VWA8: variants seen among roughly 807,000 people sequenced by gnomAD.
VWA8 encodes the protein von Willebrand factor A domain-containing protein 8.
VWA8 carries 221 observed loss-of-function variants against 241.5 expected under a neutral mutation model. The ratio of observed to expected loss-of-function variants is 0.91; its 90% CI spans 0.82 to 1.02. VWA8 has a LOEUF of 1.02. Ranked by LOEUF, VWA8 falls within the 50% of genes least tolerant of loss-of-function variation. VWA8 has a pLI of 0.00. For synonymous variants in VWA8, 852 were observed against 827.1 expected, an observed-to-expected ratio of 1.03 and a Z score of -0.52; for missense variants, 2,322 against 2,328.7, an observed-to-expected ratio of 1.00 and a Z score of 0.06.
rs1868946981 is a variant in VWA8 at position 41,782,770 on chromosome 13, A to C, written c.2277+1025T>G. 2.0e-5 allele frequency among the ~76,000 whole-genome samples: 3 copies of C among 151,994 alleles called. No individual in the cohort carries two copies. In the South Asian group the frequency reaches 6.2e-4, roughly 31 times the overall value. On this transcript the variant is annotated intron_variant, in intron 19 of 44. Transcript: ENST00000379310. Reference sequence around the variant, plus strand: ...AAATTTTAAGTAGTTGTTTTACTATAAAAGTAATACACAGCCACTTGACAG... The same window carrying C: ...AAATTTTAAGTAGTTGTTTTACTATCAAAGTAATACACAGCCACTTGACAG...
At chr13:41,778,957 T>G (rs1868760304) in intron 19 of VWA8, among the ~76,000 whole-genome samples, 2 of 144,628 alleles carry the variant, frequency 1.4e-5, no homozygotes, top group African/African-American at 2.5e-5. Context: ...TTCTCTTGCC[T>G]CAGCCTCCCG....
chr13:41,938,138 G>A (rs1350159006), intron 2 of VWA8, among the ~76,000 whole-genome samples: 1 of 150,590 alleles, frequency 6.6e-6, no homozygotes, highest in Non-Finnish European at 1.5e-5. Context: ...CAGCCTGGGT[G>A]ACAGGGTGAG....
chr13:41,773,477 T>A (rs562646784), intron 20 of VWA8, among the ~76,000 whole-genome samples: 1 of 152,248 alleles, frequency 6.6e-6, no homozygotes, highest in African/African-American at 2.4e-5. Flanking sequence ...TGATCAGCAC[T>A]CAGAACAGCA....
chr13:41,593,792 G>C (rs946252665), intron 40 of VWA8, among the ~76,000 whole-genome samples: 1 of 152,150 alleles, frequency 6.6e-6, no homozygotes, highest in Non-Finnish European at 1.5e-5. Context: ...TCTAGACTGG[G>C]AAAACCAGCA....
At chr13:41,841,807 AAAAAAAAAAAAAAAT>A (rs1872034122) in intron 12 of VWA8, among the ~76,000 whole-genome samples, 1 of 32,182 alleles carries the variant, frequency 3.1e-5, no homozygotes, top group South Asian at 2.0e-3. Flanking sequence ...AAAAAAAAAA[AAAAAAAAAAAAAAAT>A]ATATATATAT....
chr13:41,861,729 G>A (rs1015006682), intron 12 of VWA8, among the ~76,000 whole-genome samples: 1 of 152,078 alleles, frequency 6.6e-6, no homozygotes, highest in Non-Finnish European at 1.5e-5. Context: ...ACCTAGGAAT[G>A]CAGCTACCCA....
In VWA8 at chr13:41,568,226, A is replaced by C. The variant is rs201705320; in HGVS notation, c.5689T>G (p.Phe1897Val). 1.2e-6 allele frequency: 2 copies of C among 1,614,146 alleles called. No homozygotes were observed. Among genetic ancestry groups the C allele is most frequent in the Admixed American group, 3.3e-5 (2 of 60,028 alleles). The change falls in exon 45 of 45, where the codon TTC becomes GTC. Residue 1897 changes from phenylalanine (F) to valine (V), a missense_variant. Phe to Val is a conservative substitution (Grantham distance 50, BLOSUM62 -1). Coordinates refer to ENST00000379310, the MANE Select transcript of VWA8 (RefSeq NM_015058.2). ...ACACTCGACAACATGGTGGAGGTGAAGATCTGTTGTAAAATCTGAGGGATA... is the reference window on the plus strand; with the variant it reads ...ACACTCGACAACATGGTGGAGGTGACGATCTGTTGTAAAATCTGAGGGATA... ...KDIPQILQQI[F>V]TSTMLSSV
chr13:41,776,096 T>C (rs1421104665), intron 20 of VWA8, among the ~76,000 whole-genome samples: 3 of 152,186 alleles, frequency 2.0e-5, no homozygotes, highest in Non-Finnish European at 4.4e-5. Context: ...TCTAGGGATC[T>C]TCCTTTTAAA....
rs190136021 is a variant in VWA8, at chr13:41,868,374, C to T, written c.1184G>A (p.Arg395Gln). Reference sequence around the variant, plus strand: ...AATGGTCACCTCTTTATCTGCAATCCGGATGGTCACAGAAGCTTGGGACAC... The same window carrying T: ...AATGGTCACCTCTTTATCTGCAATCTGGATGGTCACAGAAGCTTGGGACAC... ...NHVSQASVTIRIADKEVTIKV... is the reference protein window; with the variant it reads ...NHVSQASVTIQIADKEVTIKV... Residue 395 changes from arginine (R) to glutamine (Q), a missense_variant, in exon 10 of 45, where the codon CGG becomes CAG. Coordinates refer to ENST00000379310, the MANE Select transcript of VWA8 (RefSeq NM_015058.2). 2.2e-4 allele frequency: 355 copies of T among 1,613,998 alleles called. 2 individuals carry two copies. In the East Asian group the frequency reaches 6.6e-3, roughly 30 times the overall value.
chr13:41,868,590 A>C (rs1420481911), intron 9 of VWA8, 113 bp from the exon 10 acceptor site: 4 of 1,315,212 alleles, frequency 3.0e-6, no homozygotes, highest in Non-Finnish European at 4.0e-6. Context: ...TTATTATATA[A>C]AAGTAGAGGT....
At chr13:41,572,530 C>T (rs1381141146) in intron 43 of VWA8, among the ~76,000 whole-genome samples, 2 of 152,102 alleles carry the variant, frequency 1.3e-5, no homozygotes, top group Non-Finnish European at 2.9e-5. Context: ...GTGCTGTGTC[C>T]ACCCAGGGTT....
intron 21 of VWA8, among the ~76,000 whole-genome samples, chr13:41,760,780 C>T (rs927771749): frequency 3.3e-5 from 5 of 151,880 alleles, no homozygotes; most frequent in Non-Finnish European, 7.4e-5. Context: ...TATTATTTCT[C>T]CTTGTGAGCT....
chr13:41,723,909 TATAG>T (rs1434500057), intron 24 of VWA8, among the ~76,000 whole-genome samples: 3 of 152,030 alleles, frequency 2.0e-5, no homozygotes, highest in Non-Finnish European at 2.9e-5. Context: ...AAGGAATGAG[TATAG>T]ATAGGTAAGA....
At chr13:41,865,315 T>C in intron 12 of VWA8, 1 of 393,976 alleles carries the variant, frequency 2.5e-6, no homozygotes, top group Non-Finnish European at 5.0e-6. Flanking sequence ...TTCTTTATGC[T>C]GGAACATTTG....
chr13:41,954,699 A>G (rs1228250921), intron 1 of VWA8, among the ~76,000 whole-genome samples: 7 of 152,234 alleles, frequency 4.6e-5, no homozygotes, highest in Admixed American at 1.3e-4. Flanking sequence ...AGGATATTCT[A>G]TTTCCACTTA....
intron 17 of VWA8, among the ~76,000 whole-genome samples, chr13:41,802,588 C>T (rs540161263): frequency 6.6e-5 from 10 of 152,314 alleles, no homozygotes; most frequent in African/African-American, 2.2e-4. Flanking sequence ...AGATTCCTTC[C>T]ACTGAAGGAA....
chr13:41,583,392 C>A (rs1372492921), intron 42 of VWA8, among the ~76,000 whole-genome samples: 1 of 152,028 alleles, frequency 6.6e-6, no homozygotes, highest in Admixed American at 6.6e-5. Context: ...GCCTGTAATC[C>A]CAGCACTTTG....
intron 4 of VWA8, among the ~76,000 whole-genome samples, chr13:41,904,249 G>A (rs996033262): frequency 6.6e-6 from 1 of 152,136 alleles, no homozygotes; most frequent in Non-Finnish European, 1.5e-5. Context: ...AAGCTAAAGT[G>A]TTAAGCTCTC....
chr13:41,667,726 T>G (rs918699077), intron 37 of VWA8, among the ~76,000 whole-genome samples: 1 of 152,216 alleles, frequency 6.6e-6, no homozygotes, highest in African/African-American at 2.4e-5. Context: ...TAACTAAGTA[T>G]GAATAATATA....
Sources: allele counts gnomAD v4.1 joint callset (sites outside exome capture counted in the v4.1 genomes callset), GRCh38; gene constraint gnomAD v4.1.1; transcripts MANE v1.5; gene names NCBI Gene and HGNC (gene_info 2026-07-23, HGNC 2026-07-21).